Variants in JAK1 observed in about 807,000 individuals in gnomAD.
JAK1 encodes the protein tyrosine-protein kinase JAK1.
JAK1 carries 16 observed loss-of-function variants against 136.6 expected under a neutral mutation model. The ratio of observed to expected loss-of-function variants is 0.12; its 90% CI spans 0.08 to 0.18. The LOEUF (loss-of-function observed/expected upper bound fraction) is 0.18, where lower values mean the gene tolerates loss of function less well. JAK1 is among the 10% of genes least tolerant of loss of function. The probability of loss-of-function intolerance (pLI) is 1.00; values close to 1 mark genes in which losing one functional copy is unlikely to be tolerated. For missense variants in JAK1, 859 were observed against 1,450.1 expected, an observed-to-expected ratio of 0.59 and a Z score of 6.62; for synonymous variants, 492 against 519.5, an observed-to-expected ratio of 0.95 and a Z score of 0.72.
Position 64,957,339 on chromosome 1 carries a change from T to C in JAK1, c.-78+8994A>G, listed in dbSNP as rs533965188. Among the ~76,000 whole-genome samples, 9 of 152,290 alleles carry C rather than the reference T, an allele frequency of 5.9e-5. No homozygotes were observed. The South Asian group carries it at 1.9e-3, about 32-fold the overall frequency. ...TAAGGCCCAAAAGTAATAAAGCACA[T>C]AAGGCCCTGCTTGACCAGGTTCCTT... On this transcript the variant is annotated intron_variant, in intron 1 of 24. Coordinates refer to ENST00000342505, the MANE Select transcript of JAK1 (RefSeq NM_002227.4).
chr1:65,015,640 T>A (rs1254099511), intron 2 of JAK1, among the ~76,000 whole-genome samples: 2 of 152,222 alleles, frequency 1.3e-5, no homozygotes, highest in African/African-American at 4.8e-5. Flanking sequence ...AAGACAAAGC[T>A]TCTCGGACTG....
In JAK1 at chr1:64,900,573, C is replaced by A. The variant is rs192828461; in HGVS notation, c.-77-14232G>T. Among the ~76,000 whole-genome samples the A allele has an allele frequency of 1.3e-4, 20 of 152,290 alleles. No individual in the cohort carries two copies. In the East Asian group the frequency reaches 2.1e-3, roughly 16 times the overall value. ...CGACCATATCCACTTGGGGAGCAAG[C>A]CCTAATCGTTCTAACTCTGTTGTCT... On this transcript the variant is annotated intron_variant, in intron 1 of 24. Coordinates refer to ENST00000342505, the MANE Select transcript of JAK1 (RefSeq NM_002227.4).
chr1:64,905,852 T>C (rs1208208532), intron 1 of JAK1, among the ~76,000 whole-genome samples: 1 of 152,096 alleles, frequency 6.6e-6, no homozygotes, highest in Non-Finnish European at 1.5e-5. Context: ...GTTCCAGCAT[T>C]CTCATTCTCA....
At position 65,066,256 on chromosome 1, in the gene JAK1, A is replaced by T. The variant is rs537172899; in HGVS notation, c.-181+1348T>A. On this transcript the variant is annotated intron_variant, in intron 1 of 25. Coordinates refer to the JAK1 transcript ENST00000671954. ...AGAAGCCCTGGGGTCAGCTGCGGCC[A>T]GGAGCCGGCGTCTCCGCCAAGTCCC... 8.5e-5 allele frequency among the ~76,000 whole-genome samples: 13 copies of T among 152,314 alleles called. 1 individual carries two copies. Among genetic ancestry groups the T allele is most frequent in the Admixed American group, 7.8e-4 (12 of 15,308 alleles).
At chr1:65,003,678 C>T (rs896795461) in intron 2 of JAK1, 1 of 152,074 alleles carries the variant, frequency 6.6e-6, no homozygotes, top group African/African-American at 2.4e-5. Context: ...GGAATGGAAT[C>T]TGTCTCGTTT....
intron 1 of JAK1, among the ~76,000 whole-genome samples, chr1:64,922,676 A>G (rs930167555): frequency 6.6e-5 from 10 of 152,228 alleles, no homozygotes; most frequent in African/African-American, 2.4e-4. Flanking sequence ...TTACATATCA[A>G]AAACTTAAAT....
At chr1:64,917,754 A>G (rs1377677161) in intron 1 of JAK1, among the ~76,000 whole-genome samples, 1 of 152,200 alleles carries the variant, frequency 6.6e-6, no homozygotes. Flanking sequence ...AGAGCTGGAC[A>G]TAAGCCAGGG....
intron 10 of JAK1, among the ~76,000 whole-genome samples, chr1:64,856,868 G>A (rs913117207): frequency 4.6e-5 from 7 of 152,050 alleles, no homozygotes; most frequent in Non-Finnish European, 8.8e-5. Flanking sequence ...TCCTTCCTGC[G>A]TCTACCCTCC....
At chr1:64,955,032 AC>A (rs1469772351) in intron 1 of JAK1, among the ~76,000 whole-genome samples, 1 of 152,238 alleles carries the variant, frequency 6.6e-6, no homozygotes, top group Non-Finnish European at 1.5e-5. Context: ...ACAAAACTGT[AC>A]CACCTATACA....
chr1:64,926,219 C>T (rs1365848268), intron 1 of JAK1, among the ~76,000 whole-genome samples: 1 of 152,158 alleles, frequency 6.6e-6, no homozygotes, highest in Non-Finnish European at 1.5e-5. Context: ...TCTCCTACGG[C>T]CAGTGCTATT....
chr1:64,904,603 T>A (rs879377723), intron 1 of JAK1, among the ~76,000 whole-genome samples: 1 of 152,172 alleles, frequency 6.6e-6, no homozygotes, highest in African/African-American at 2.4e-5. Context: ...TTCTCTATGC[T>A]CTCTTTCATT....
At chr1:64,940,223 T>C (rs1210964338) in intron 1 of JAK1, among the ~76,000 whole-genome samples, 1 of 152,180 alleles carries the variant, frequency 6.6e-6, no homozygotes, top group Admixed American at 6.5e-5. Context: ...TGTGTGTACA[T>C]GTGCATGCAA....
intron 1 of JAK1, among the ~76,000 whole-genome samples, chr1:64,897,310 G>T (rs1645028426): frequency 6.6e-6 from 1 of 151,068 alleles, no homozygotes; most frequent in Non-Finnish European, 1.5e-5. Flanking sequence ...AGCACCTGTA[G>T]TCCCAGCTAC....
At chr1:64,996,817 C>T (rs939648716) in intron 2 of JAK1, among the ~76,000 whole-genome samples, 1 of 152,196 alleles carries the variant, frequency 6.6e-6, no homozygotes, top group East Asian at 1.9e-4. Flanking sequence ...TGAAGCTCGC[C>T]TAAGACAGGA....
intron 11 of JAK1, among the ~76,000 whole-genome samples, chr1:64,854,768 C>A (rs1655816167): frequency 6.6e-6 from 1 of 152,092 alleles, no homozygotes; most frequent in African/African-American, 2.4e-5. Flanking sequence ...CACTCAAGGC[C>A]CCCACACCCT....
At chr1:65,044,331 T>C (rs1379614821) in intron 2 of JAK1, among the ~76,000 whole-genome samples, 1 of 152,110 alleles carries the variant, frequency 6.6e-6, no homozygotes, top group African/African-American at 2.4e-5. Flanking sequence ...AGAGTGAGCT[T>C]TAGGTCAGAT....
intron 1 of JAK1, among the ~76,000 whole-genome samples, chr1:64,926,964 C>T (rs184882942): frequency 2.4e-4 from 37 of 152,346 alleles, no homozygotes; most frequent in Admixed American, 1.8e-3. Flanking sequence ...TAAACAAGTG[C>T]TTGCTACTGT....
At chr1:65,057,135 G>C (rs61032917) in intron 1 of JAK1, among the ~76,000 whole-genome samples, 12,759 of 152,142 alleles carry the variant, frequency 0.084, 667 homozygotes, top group African/African-American at 0.14. Context: ...TAATATACCC[G>C]ATTAGGCTCT....
chr1:64,966,063 G>T (rs1646369953), intron 1 of JAK1, among the ~76,000 whole-genome samples: 1 of 152,052 alleles, frequency 6.6e-6, no homozygotes, highest in Non-Finnish European at 1.5e-5. Context: ...CGCGCTGGGG[G>T]AGGGGGCGGC....
Sources: gnomAD v4.1 joint callset for allele counts (sites outside exome capture counted in the v4.1 genomes callset) on GRCh38, gnomAD v4.1.1 for gene constraint, MANE v1.5 for transcripts, NCBI Gene and HGNC (gene_info 2026-07-23, HGNC 2026-07-21) for gene names.